Variants in ADAMTS14 observed in about 807,000 individuals in gnomAD.
The protein encoded by ADAMTS14 is ADAM metallopeptidase with thrombospondin type 1 motif 14.
ADAMTS14 carries 100 observed loss-of-function variants against 128.6 expected under a neutral mutation model. The observed-to-expected ratio is 0.78, with a 90% CI of 0.66 to 0.92. ADAMTS14 has a LOEUF of 0.92. Among genes scored for constraint, ADAMTS14 ranks in the 40% least tolerant of loss-of-function variants. The pLI is 0.00. For synonymous variants in ADAMTS14, 665 were observed against 653.8 expected (o/e 1.02, Z -0.26); for missense variants, 1,562 against 1,658.6 (o/e 0.94, Z 1.01).
In ADAMTS14 at chr10:70,735,237, T is replaced by A. The variant is rs1841788704; in HGVS notation, c.1421T>A (p.Ile474Asn). The A allele has an allele frequency of 2.5e-6, 4 of 1,614,082 alleles. No homozygotes were observed. The highest frequency in any genetic ancestry group is 3.4e-6 in the Non-Finnish European group (4 of 1,179,986). The change falls in exon 9 of 22, where the codon ATC (isoleucine) becomes AAC (asparagine). Residue 474 changes from isoleucine (I) to asparagine (N), a missense_variant. Transcript: ENST00000373207. ...CCCCAGCCCCCAGAGCTGCCTGGGA[T>A]CAACTACTCAATGGATGAGCAGTGC... is the stretch of plus-strand genomic sequence containing the variant. ...AWPQPPELPG[I>N]NYSMDEQCRF...
At chr10:70,742,249 G>A (rs914990223) in intron 12 of ADAMTS14, among the ~76,000 whole-genome samples, 7 of 152,144 alleles carry the variant, frequency 4.6e-5, no homozygotes, top group Non-Finnish European at 1.5e-5. Flanking sequence ...CTGCCTGCCT[G>A]GGTCAGGATC....
chr10:70,673,717 G>A (rs1839554580), intron 1 of ADAMTS14, among the ~76,000 whole-genome samples: 1 of 152,022 alleles, frequency 6.6e-6, no homozygotes, highest in Admixed American at 6.5e-5. Context: ...AGAGCTGTGT[G>A]GAAATGAAAA....
intron 2 of ADAMTS14, among the ~76,000 whole-genome samples, chr10:70,681,415 C>T (rs146348494): frequency 1.3e-5 from 2 of 152,124 alleles, no homozygotes; most frequent in Non-Finnish European, 2.9e-5. Flanking sequence ...TTCAGCTCTC[C>T]GTGGGAGAGG....
rs753200023 is a variant in ADAMTS14 at position 70,743,595 on chromosome 10, G to A, written c.1972G>A (p.Val658Met). The A allele has an allele frequency of 1.1e-5, 17 of 1,612,956 alleles. No homozygotes were observed. The highest frequency in any genetic ancestry group is 3.3e-4 in the Middle Eastern group (2 of 6,072). Residue 658 changes from valine to methionine, a missense_variant, in exon 13 of 22, where the codon GTG (valine) becomes ATG (methionine). By Grantham distance (21) the Val-to-Met change is conservative. Coordinates refer to ENST00000373207, the MANE Select transcript of ADAMTS14 (RefSeq NM_080722.4). Reference protein sequence around the residue: ...LICQSADTGDVVFMNQVVHDG... With the variant: ...LICQSADTGDMVFMNQVVHDG... ...CTGCCAGTCGGCGGACACGGGGGACGTGGTGTTCATGAACCAGGTGGTTCA... is the reference window on the plus strand; with the variant it reads ...CTGCCAGTCGGCGGACACGGGGGACATGGTGTTCATGAACCAGGTGGTTCA...
At chr10:70,705,469 T>A (rs1840635540) in intron 3 of ADAMTS14, among the ~76,000 whole-genome samples, 1 of 152,214 alleles carries the variant, frequency 6.6e-6, no homozygotes, top group African/African-American at 2.4e-5. Context: ...GAGATAAAAT[T>A]CACCATTTTA....
At chr10:70,682,449 C>A (rs972142800) in intron 2 of ADAMTS14, among the ~76,000 whole-genome samples, 2 of 152,168 alleles carry the variant, frequency 1.3e-5, no homozygotes, top group Non-Finnish European at 2.9e-5. Flanking sequence ...GTGAGTGTGA[C>A]CCTGGAACCA....
chr10:70,719,953 G>C (rs112703826), intron 4 of ADAMTS14, among the ~76,000 whole-genome samples: 118 of 152,350 alleles, frequency 7.7e-4, no homozygotes, highest in African/African-American at 2.8e-3. Flanking sequence ...TGCCAGCCTG[G>C]GACATCGAGG....
chr10:70,732,149 C>A, intron 6 of ADAMTS14, 105 bp from the exon 7 acceptor site: 1 of 985,504 alleles, frequency 1.0e-6, no homozygotes, highest in South Asian at 1.4e-5. Flanking sequence ...GGAACGTCCC[C>A]ACTCCAAGCA....
rs1842574067 is a variant in ADAMTS14 at position 70,760,258 on chromosome 10, G to T, written c.3179-102G>T. ...TTTATAGTGGGTCCAGCAGGGGCAG[G>T]GGTGGAGGGCGGGCAGTCAGTGGGT... On this transcript the variant is annotated intron_variant, in intron 21 of 21. Transcript: ENST00000373207. 3 of 1,445,098 alleles carry T rather than the reference G, an allele frequency of 2.1e-6. No homozygotes were observed. In the African/African-American group the frequency reaches 4.3e-5, roughly 20 times the overall value. The allele number at this position is 1,445,098 out of a possible 1,614,324, so 89.5% of individuals were successfully genotyped here.
At chr10:70,694,602 T>G (rs767682447) in intron 2 of ADAMTS14, among the ~76,000 whole-genome samples, 2 of 152,232 alleles carry the variant, frequency 1.3e-5, no homozygotes, top group South Asian at 4.1e-4. Flanking sequence ...TTCTATTTGT[T>G]TGAAGACACT....
intron 8 of ADAMTS14, among the ~76,000 whole-genome samples, chr10:70,734,325 G>A (rs985257696): frequency 5.3e-5 from 8 of 152,188 alleles, no homozygotes; most frequent in African/African-American, 1.2e-4. Flanking sequence ...GGTCTAGGAA[G>A]CTGGATTTAT....
At chr10:70,756,549 G>A (rs1842483067) in intron 19 of ADAMTS14, among the ~76,000 whole-genome samples, 1 of 152,130 alleles carries the variant, frequency 6.6e-6, no homozygotes, top group Non-Finnish European at 1.5e-5. Flanking sequence ...GAGACCGGGT[G>A]GTCTTCAGTA....
chr10:70,724,266 G>A (rs1841358560), intron 4 of ADAMTS14, among the ~76,000 whole-genome samples: 1 of 152,200 alleles, frequency 6.6e-6, no homozygotes, highest in African/African-American at 2.4e-5. Flanking sequence ...CCTGGCAGAG[G>A]TACTTTGAAC....
At chr10:70,678,654 G>C (rs1205893022) in intron 2 of ADAMTS14, among the ~76,000 whole-genome samples, 3 of 152,076 alleles carry the variant, frequency 2.0e-5, no homozygotes, top group Non-Finnish European at 4.4e-5. Context: ...AGGGGTGTGG[G>C]GCAGGGATGG....
rs752215499 is a variant in ADAMTS14 at position 70,753,930 on chromosome 10, G to C, written c.2860G>C (p.Gly954Arg). 6.9e-6 allele frequency: 11 copies of C among 1,587,886 alleles called. No homozygotes were observed. The highest frequency in any genetic ancestry group is 1.8e-5 in the Admixed American group (1 of 56,104). The change falls in exon 19 of 22, where the codon GGG (glycine) becomes CGG (arginine). Residue 954 changes from glycine (G) to arginine (R), a missense_variant. Gly to Arg is a moderately radical substitution (Grantham distance 125). Transcript: ENST00000373207. ...HKVMPAKACA[G>R]DRPEARRPCL... is the part of the protein sequence containing the mutation. ...GGTCATGCCGGCCAAAGCCTGCGCCGGGGACCGGCCTGAGGCCCGACGGCC... is the reference window on the plus strand; with the variant it reads ...GGTCATGCCGGCCAAAGCCTGCGCCCGGGACCGGCCTGAGGCCCGACGGCC...
At chr10:70,705,749 C>G (rs1840646015) in intron 3 of ADAMTS14, among the ~76,000 whole-genome samples, 1 of 152,196 alleles carries the variant, frequency 6.6e-6, no homozygotes. Flanking sequence ...CAAGGCTCAT[C>G]CATGGGATCG....
chr10:70,749,669 ACCTGT>A (rs1240456533), intron 15 of ADAMTS14, among the ~76,000 whole-genome samples, 148 bp from the exon 16 acceptor site: 2 of 146,864 alleles, frequency 1.4e-5, no homozygotes, highest in Non-Finnish European at 3.0e-5. Context: ...GAGCGTGTTG[ACCTGT>A]CTGACTCGGG....
chr10:70,733,123 T>A (rs76611300), intron 7 of ADAMTS14, among the ~76,000 whole-genome samples: 5,043 of 152,186 alleles, frequency 0.033, 320 homozygotes, highest in African/African-American at 0.12. Context: ...AGGTGGGACC[T>A]CCTCTCCACA....
At chr10:70,731,940 A>G (rs1841652397) in intron 6 of ADAMTS14, among the ~76,000 whole-genome samples, 2 of 152,150 alleles carry the variant, frequency 1.3e-5, no homozygotes, top group South Asian at 2.1e-4. Flanking sequence ...TTGTTTGCTG[A>G]TTGACTGTGG....
Sources: gnomAD v4.1 joint callset for allele counts (sites outside exome capture counted in the v4.1 genomes callset) on GRCh38, gnomAD v4.1.1 for gene constraint, MANE v1.5 for transcripts, NCBI Gene and HGNC (gene_info 2026-07-23, HGNC 2026-07-21) for gene names.